The following KCNMB2 variants were observed in gnomAD, a reference collection of about 807,000 sequenced individuals.
The protein encoded by KCNMB2 is calcium-activated potassium channel subunit beta-2.
Under a neutral mutation model 24.5 loss-of-function variants are expected in KCNMB2, and 9 were observed. The ratio of observed to expected loss-of-function variants is 0.37; its 90% CI spans 0.22 to 0.64. The LOEUF is 0.64. Among genes scored for constraint, KCNMB2 ranks in the 30% least tolerant of loss-of-function variants. The pLI is 0.63. For synonymous variants in KCNMB2, 109 were observed against 104.4 expected, an observed-to-expected ratio of 1.04 and a Z score of -0.27; for missense variants, 226 against 284.3, an observed-to-expected ratio of 0.79 and a Z score of 1.47.
At chr3:178,656,006 T>A (rs1720329549) in intron 1 of KCNMB2, among the ~76,000 whole-genome samples, 1 of 152,158 alleles carries the variant, frequency 6.6e-6, no homozygotes, top group African/African-American at 2.4e-5. Flanking sequence ...ACAAAAGGCC[T>A]TTTCTCCTTT....
chr3:178,537,309 A>T (rs1319100407), intron 1 of KCNMB2: 12 of 152,180 alleles, frequency 7.9e-5, no homozygotes, highest in Non-Finnish European at 1.8e-4. Flanking sequence ...GTTTGGGTTC[A>T]TGGTTTTCCT....
chr3:178,631,855 T>C (rs1380742649), intron 1 of KCNMB2, among the ~76,000 whole-genome samples: 3 of 152,254 alleles, frequency 2.0e-5, no homozygotes, highest in Non-Finnish European at 2.9e-5. Flanking sequence ...TAACTAGGTA[T>C]AATAATTAAC....
At chr3:178,719,696 T>A in intron 1 of KCNMB2, among the ~76,000 whole-genome samples, 1 of 152,210 alleles carries the variant, frequency 6.6e-6, no homozygotes, top group Non-Finnish European at 1.5e-5. Flanking sequence ...GCTTCTACCA[T>A]CTTTATGTCC....
In KCNMB2 at chr3:178,807,376, A is replaced by C. The variant is rs1194067690; in HGVS notation, c.-34A>C. The C allele has an allele frequency of 6.3e-7, 1 of 1,596,562 alleles. No homozygotes were observed. The highest frequency in any genetic ancestry group is 8.6e-7 in the Non-Finnish European group (1 of 1,165,162). On this transcript the variant is annotated 5_prime_UTR_variant, in exon 2 of 5. Transcript: ENST00000452583. The stretch of plus-strand genomic sequence containing the variant: ...GCCATTCCTCCAGGACATCCACCAT[A>C]AGGAAAGGAGACCCTGGACCAACAT...
chr3:178,650,785 A>T (rs761556170), intron 1 of KCNMB2, among the ~76,000 whole-genome samples: 2 of 152,226 alleles, frequency 1.3e-5, no homozygotes, highest in Non-Finnish European at 2.9e-5. Context: ...AATCCATCAC[A>T]TAAACAGAAC....
At chr3:178,704,427 A>C (rs1034075275) in intron 1 of KCNMB2, among the ~76,000 whole-genome samples, 1 of 152,184 alleles carries the variant, frequency 6.6e-6, no homozygotes, top group African/African-American at 2.4e-5. Context: ...TTAGCCAAAC[A>C]AGGCTAAATT....
intron 1 of KCNMB2, among the ~76,000 whole-genome samples, chr3:178,579,519 C>G (rs1056690099): frequency 3.3e-5 from 5 of 151,992 alleles, no homozygotes; most frequent in African/African-American, 1.2e-4. Context: ...TAACTAAGAT[C>G]AGAGCAGAAC....
At chr3:178,757,557 C>A (rs1269634238) in intron 1 of KCNMB2, among the ~76,000 whole-genome samples, 2 of 30,384 alleles carry the variant, frequency 6.6e-5, no homozygotes, top group African/African-American at 1.4e-4. Context: ...TATATATATC[C>A]AAGAGGATAT....
intron 1 of KCNMB2, among the ~76,000 whole-genome samples, chr3:178,658,592 G>T (rs543894450): frequency 1.3e-5 from 2 of 152,054 alleles, no homozygotes; most frequent in African/African-American, 4.8e-5. Flanking sequence ...ACACTCTCCT[G>T]TGTCACTATA....
At chr3:178,782,924 G>A in intron 1 of KCNMB2, among the ~76,000 whole-genome samples, 1 of 151,246 alleles carries the variant, frequency 6.6e-6, no homozygotes, top group African/African-American at 2.4e-5. Context: ...TATGGTTTTA[G>A]GTCTAACATT....
intron 1 of KCNMB2, among the ~76,000 whole-genome samples, chr3:178,773,118 C>A (rs772980499): frequency 6.6e-6 from 1 of 152,130 alleles, no homozygotes. Flanking sequence ...GGGTCCCTGG[C>A]AGGCTGTTCC....
intron 1 of KCNMB2, among the ~76,000 whole-genome samples, chr3:178,684,287 T>TA (rs1721378972): frequency 7.6e-6 from 1 of 131,082 alleles, no homozygotes; most frequent in Non-Finnish European, 1.5e-5. Flanking sequence ...GTGGAATCTT[T>TA]AAAATCTCAA....
rs748328554 is a variant in KCNMB2, at chr3:178,844,144, T to TA, written c.*1213dup. On this transcript the variant is annotated 3_prime_UTR_variant, in exon 5 of 5. Coordinates refer to ENST00000452583, the MANE Select transcript of KCNMB2 (RefSeq NM_181361.3). ...GAAAATACGAGGGATTGATTTTAAA[T>TA]AAAAAACATTCCATCTTTCATTTAA... 6.6e-6 allele frequency: 1 copy of TA among 152,526 alleles called. No homozygotes were observed. The highest frequency in any genetic ancestry group is 1.5e-5 in the Non-Finnish European group (1 of 67,948). The allele number at this position is 152,526 out of a possible 1,614,324, so 9.4% of individuals were successfully genotyped here. A position where few individuals can be genotyped will look rare whatever the true frequency, so the allele number is the denominator to read the frequency against.
chr3:178,770,191 G>A (rs1418500035), intron 1 of KCNMB2, among the ~76,000 whole-genome samples: 1 of 152,170 alleles, frequency 6.6e-6, no homozygotes, highest in African/African-American at 2.4e-5. Context: ...AAGTTATAAG[G>A]CCTGGTCTCC....
Position 178,618,626 on chromosome 3 carries a change from T to G in KCNMB2, c.-68+81915T>G, listed in dbSNP as rs182064872. ...TCTATCTGATTGGCAAACAGAAACC[T>G]ATTTTTGGAAAATGAAAGTTACCGA... On this transcript the variant is annotated intron_variant, in intron 1 of 4. Transcript: ENST00000452583. Among the ~76,000 whole-genome samples, 206 of 152,310 alleles carry G rather than the reference T, an allele frequency of 1.4e-3. 3 individuals are homozygous for G. Among genetic ancestry groups the G allele is most frequent in the East Asian group, 1.4e-3 (7 of 5,178 alleles).
intron 1 of KCNMB2, among the ~76,000 whole-genome samples, chr3:178,671,356 ACT>A (rs1468625790): frequency 1.3e-5 from 2 of 152,066 alleles, no homozygotes; most frequent in Admixed American, 6.6e-5. Context: ...TTTGATTCAA[ACT>A]CTCCCTTAAT....
intron 1 of KCNMB2, among the ~76,000 whole-genome samples, chr3:178,588,254 C>T (rs1209514719): frequency 6.6e-6 from 1 of 152,030 alleles, no homozygotes; most frequent in Non-Finnish European, 1.5e-5. Context: ...AAAAAAAAGG[C>T]CTCATTCCAA....
chr3:178,691,950 C>A (rs1234696269), intron 1 of KCNMB2, among the ~76,000 whole-genome samples: 1 of 152,178 alleles, frequency 6.6e-6, no homozygotes. Flanking sequence ...GCAATTCTGA[C>A]TGGGGTGAGA....
At chr3:178,574,498 A>G (rs912748087) in intron 1 of KCNMB2, among the ~76,000 whole-genome samples, 5 of 152,194 alleles carry the variant, frequency 3.3e-5, no homozygotes, top group African/African-American at 9.6e-5. Context: ...CACAGCCACC[A>G]TGTAATGTTG....
Sources: gnomAD v4.1 joint callset for allele counts (sites outside exome capture counted in the v4.1 genomes callset) on GRCh38, gnomAD v4.1.1 for gene constraint, MANE v1.5 for transcripts, NCBI Gene and HGNC (gene_info 2026-07-23, HGNC 2026-07-21) for gene names.